The following PLEKHM1 variants were observed in gnomAD, a reference collection of about 807,000 sequenced individuals.
PLEKHM1 encodes the protein pleckstrin homology domain-containing family M member 1.
PLEKHM1 carries 28 observed loss-of-function variants against 94.3 expected under a neutral mutation model. The ratio of observed to expected loss-of-function variants is 0.30; its 90% confidence interval spans 0.22 to 0.41. The LOEUF is 0.41. Among genes scored for constraint, PLEKHM1 ranks in the 10% least tolerant of loss-of-function variants. The pLI, the probability that PLEKHM1 is intolerant of heterozygous loss-of-function variation, is 1.00. For synonymous variants in PLEKHM1, 424 were observed against 581.2 expected, an observed-to-expected ratio of 0.73 and a Z score of 3.89; for missense variants, 907 against 1,358.6, an observed-to-expected ratio of 0.67 and a Z score of 5.22.
In PLEKHM1 at chr17:45,477,432, C is replaced by A. The variant is rs1264079379; in HGVS notation, c.296+468G>T. The A allele has an allele frequency of 2.3e-5, 4 of 175,824 alleles. No individual in the cohort carries two copies. The Admixed American group carries it at 2.7e-4, about 12-fold the overall frequency. 10.9% of individuals were successfully genotyped at this position (175,824 alleles called of 1,614,324 possible). The stretch of plus-strand genomic sequence containing the variant: ...CTGAGTGACAGAGCGAAACTCCATC[C>A]CAAAAAAAAAAAAAAAGATTTACAA... On this transcript the variant is annotated intron_variant, in intron 3 of 11. Transcript: ENST00000430334.
At chr17:45,446,025 C>CA (rs1555573222) in intron 8 of PLEKHM1, 3 of 397,468 alleles carry the variant, frequency 7.5e-6, no homozygotes, top group Non-Finnish European at 9.3e-6. Context: ...TATTTCCCCC[C>CA]ACTGAAGGAA....
chr17:45,470,250 G>A (rs2051454510), intron 4 of PLEKHM1, among the ~76,000 whole-genome samples: 1 of 152,254 alleles, frequency 6.6e-6, no homozygotes, highest in Non-Finnish European at 1.5e-5. Flanking sequence ...AGACCTAAAG[G>A]TAAGAGCTAA....
intron 5 of PLEKHM1, among the ~76,000 whole-genome samples, chr17:45,463,289 C>G (rs1479163523): frequency 6.6e-6 from 1 of 152,090 alleles, no homozygotes; most frequent in Non-Finnish European, 1.5e-5. Context: ...GCACATGGGC[C>G]TGGACAGAGC....
In PLEKHM1 at chr17:45,450,527, C is replaced by T. The variant is rs1326122878; in HGVS notation, c.2643+91G>A. On this transcript the variant is annotated intron_variant, in intron 8 of 11. Transcript: ENST00000430334. ...CCTGGCTTCCCTTGTTTAGAGGAGC[C>T]AAACTCCTCTAAACAGATGAACAGC... 7 of 1,520,506 alleles carry T rather than the reference C, an allele frequency of 4.6e-6. No individual in the cohort carries two copies. In the Admixed American group the frequency reaches 1.1e-4, roughly 24 times the overall value. The allele number at this position is 1,520,506 out of a possible 1,614,324, so 94.2% of individuals were successfully genotyped here.
chr17:45,472,394 C>A (rs2051545337), intron 4 of PLEKHM1, among the ~76,000 whole-genome samples: 1 of 152,158 alleles, frequency 6.6e-6, no homozygotes, highest in South Asian at 2.1e-4. Flanking sequence ...ACACTTCCTG[C>A]ACAGAGAGGA....
rs1022154030 is a variant in PLEKHM1 at position 45,437,337 on chromosome 17, C to A, written c.*521G>T. 1.0e-4 allele frequency: 47 copies of A among 454,194 alleles called. No homozygotes were observed. Among genetic ancestry groups the A allele is most frequent in the African/African-American group, 8.2e-4 (41 of 50,140 alleles). The allele number at this position is 454,194 out of a possible 1,614,324, so 28.1% of individuals were successfully genotyped here. ...CAGTGGCCTGCCCACCAGCCACCCG[C>A]TACCTCTAAGCCAGGCCTGAGTGGC... On this transcript the variant is annotated 3_prime_UTR_variant, in exon 12 of 12. Transcript: ENST00000430334. The surrounding 1 kb of genome is among the most constrained non-coding windows in gnomAD (Gnocchi z 4.0).
chr17:45,453,312 G>A lies in PLEKHM1; in HGVS notation c.2497+43C>T. 3.8e-6 allele frequency: 6 copies of A among 1,593,080 alleles called. No homozygotes were observed. The highest frequency in any genetic ancestry group is 1.1e-5 in the South Asian group (1 of 88,470). On this transcript the variant is annotated intron_variant, in intron 7 of 11. Coordinates refer to ENST00000430334, the MANE Select transcript of PLEKHM1 (RefSeq NM_014798.3). This position sits in a 1 kb window ranked among gnomAD's most constrained non-coding sequence, Gnocchi z 4.1. The stretch of plus-strand genomic sequence containing the variant: ...AAATCAGGAACCAGCAGGAGGTGGA[G>A]TGAGGCTGGCAGGCTGGGGGTGGCA...
rs528070401 is a variant in PLEKHM1, at chr17:45,483,845, C to A, written c.-41-1320G>T. The stretch of plus-strand genomic sequence containing the variant: ...TCCACCACCAGCCCCCAGGAGGAAG[C>A]CAACCCCAGCCCTAGGAAAACCCGA... On this transcript the variant is annotated intron_variant, in intron 1 of 11. Coordinates refer to ENST00000430334, the MANE Select transcript of PLEKHM1 (RefSeq NM_014798.3). Among the ~76,000 whole-genome samples, 26 of 152,258 alleles carry A rather than the reference C, an allele frequency of 1.7e-4. No individual in the cohort carries two copies. The South Asian group carries it at 5.4e-3, about 32-fold the overall frequency.
chr17:45,445,501 G>A lies in PLEKHM1; in HGVS notation c.2806C>T (p.Arg936Trp), dbSNP rs769727595. 29 of 1,613,870 alleles carry A rather than the reference G, an allele frequency of 1.8e-5. No individual in the cohort carries two copies. The highest frequency in any genetic ancestry group is 9.9e-5 in the South Asian group (9 of 91,082). ...CTGAGCTCCTTCAGGGCGCCACTCC[G>A]GCACAGGCCCAGGTAATCCCCCAGG... The part of the protein sequence containing the change: ...KLLGDYLGLC[R>W]SGALKELSKR... Residue 936 changes from arginine to tryptophan, a missense_variant, in exon 9 of 12, where the codon CGG becomes TGG. By Grantham distance (101) the Arg-to-Trp change is moderately radical. Around this residue, in one of 3 missense-constraint regions of PLEKHM1, gnomAD observed 254 missense variants for 451.1 expected, o/e 0.56. Transcript: ENST00000430334. The surrounding 1 kb of genome is among the most constrained non-coding windows in gnomAD (Gnocchi z 4.2).
At position 45,436,627 on chromosome 17, in the gene PLEKHM1, G is replaced by C. The variant is rs1230850399; in HGVS notation, c.*1231C>G. On this transcript the variant is annotated 3_prime_UTR_variant, in exon 12 of 12. Coordinates refer to ENST00000430334, the MANE Select transcript of PLEKHM1 (RefSeq NM_014798.3). Reference sequence around the variant, plus strand: ...CAAACCCACATTTCCCCGAAGCCTGGAGGGTCTGACCATCACTTTGAAAAC... The same window carrying C: ...CAAACCCACATTTCCCCGAAGCCTGCAGGGTCTGACCATCACTTTGAAAAC... 12 of 454,156 alleles carry C rather than the reference G, an allele frequency of 2.6e-5. No individual in the cohort carries two copies. Among genetic ancestry groups the C allele is most frequent in the Non-Finnish European group, 5.3e-5 (12 of 226,788 alleles). 28.1% of individuals were successfully genotyped at this position (454,156 alleles called of 1,614,324 possible).
downstream of PLEKHM1, among the ~76,000 whole-genome samples, chr17:45,434,797 T>C (rs145015112): frequency 3.0e-3 from 449 of 151,722 alleles, 1 homozygote; most frequent in Non-Finnish European, 4.0e-3. Context: ...GGGGGTTGGA[T>C]TGGAATCTCC....
At chr17:45,474,772 A>G (rs1276567063) in intron 4 of PLEKHM1, among the ~76,000 whole-genome samples, 9 of 152,068 alleles carry the variant, frequency 5.9e-5, no homozygotes, top group East Asian at 1.9e-4. Flanking sequence ...GGCTCAAGCA[A>G]TCCTCCTGTA....
intron 4 of PLEKHM1, among the ~76,000 whole-genome samples, chr17:45,474,816 G>A (rs1327377102): frequency 6.6e-6 from 1 of 152,194 alleles, no homozygotes; most frequent in Non-Finnish European, 1.5e-5. Flanking sequence ...TCAGGCATGA[G>A]CCACCGCACC....
At position 45,437,335 on chromosome 17, in the gene PLEKHM1, C is replaced by A. The variant is rs1265794918; in HGVS notation, c.*523G>T. ...AGCAGTGGCCTGCCCACCAGCCACC[C>A]GCTACCTCTAAGCCAGGCCTGAGTG... On this transcript the variant is annotated 3_prime_UTR_variant, in exon 12 of 12. Transcript: ENST00000430334. This position sits in a 1 kb window ranked among gnomAD's most constrained non-coding sequence, Gnocchi z 4.0. The A allele has an allele frequency of 2.2e-6, 1 of 454,106 alleles. No individual in the cohort carries two copies. Among genetic ancestry groups the A allele is most frequent in the Non-Finnish European group, 4.4e-6 (1 of 226,812 alleles). The allele number at this position is 454,106 out of a possible 1,614,324, so 28.1% of individuals were successfully genotyped here.
At chr17:45,452,055 C>T (rs552606226) in intron 7 of PLEKHM1, among the ~76,000 whole-genome samples, 9 of 152,278 alleles carry the variant, frequency 5.9e-5, no homozygotes, top group African/African-American at 1.9e-4. Context: ...AGCTCCCAAA[C>T]CAAGGCTCAG....
downstream of PLEKHM1, among the ~76,000 whole-genome samples, chr17:45,434,967 C>CA (rs11369025): frequency 0.49 from 47,588 of 97,858 alleles, 10,845 homozygotes; most frequent in South Asian, 0.58. Flanking sequence ...AGACTGTATC[C>CA]AAAAAAAAAA....
chr17:45,471,651 G>A (rs1277452488), intron 4 of PLEKHM1, among the ~76,000 whole-genome samples: 3 of 152,186 alleles, frequency 2.0e-5, no homozygotes, highest in Non-Finnish European at 4.4e-5. Flanking sequence ...AGCTACTCGG[G>A]AGGCTGAGGC....
intron 6 of PLEKHM1, among the ~76,000 whole-genome samples, chr17:45,456,963 C>T (rs2050970084): frequency 6.6e-6 from 1 of 151,900 alleles, no homozygotes. Context: ...GGGTGGATCA[C>T]ATGAGGCCAA....
intron 1 of PLEKHM1, among the ~76,000 whole-genome samples, 152 bp downstream of exon 1, chr17:45,490,500 G>A (rs1172176311): frequency 2.0e-5 from 3 of 152,130 alleles, no homozygotes; most frequent in East Asian, 3.9e-4. Context: ...GAGCGGGCGC[G>A]GGCTGGACAG....
Sources: gnomAD v4.1 joint callset for allele counts (sites outside exome capture counted in the v4.1 genomes callset) on GRCh38, gnomAD v4.1.1 for gene constraint, gnomAD v4.1.1 regional missense constraint, Gnocchi (gnomAD v3.1) non-coding constraint, MANE v1.5 for transcripts, NCBI Gene and HGNC (gene_info 2026-07-23, HGNC 2026-07-21) for gene names.